The following PAX2 variants were observed in gnomAD, a reference collection of about 807,000 sequenced individuals.
PAX2 encodes paired box protein Pax-2.
PAX2 carries 9 observed loss-of-function variants against 41.7 expected under a neutral mutation model. That is an observed-to-expected ratio of 0.22 (90% confidence interval 0.13 to 0.38). The LOEUF (loss-of-function observed/expected upper bound fraction) is 0.38. PAX2 is among the 10% of genes least tolerant of loss of function. The pLI is 1.00. For missense variants in PAX2, 418 were observed against 531.6 expected (o/e 0.79, Z 2.10); for synonymous variants, 221 against 212.7 (o/e 1.04, Z -0.34).
In PAX2 at chr10:100,748,730, AC is replaced by A; in HGVS notation, c.44-1012del. The A allele has an allele frequency of 1.0e-6, 1 of 983,982 alleles. No homozygotes were observed. The highest frequency in any genetic ancestry group is 1.2e-6 in the Non-Finnish European group (1 of 829,600). 61.0% of individuals were successfully genotyped at this position (983,982 alleles called of 1,614,324 possible). A position where few individuals can be genotyped will look rare whatever the true frequency, so the allele number is the denominator to read the frequency against. ...AGCCCGCGCTGGAGCCGGGTTGGAA[AC>A]CCCGTGCCCTTCTCTTGGCCGAAAG... On this transcript the variant is annotated intron_variant, in intron 1 of 9. Transcript: ENST00000355243. This position sits in a 1 kb window ranked among gnomAD's most constrained non-coding sequence, Gnocchi z 5.0.
At chr10:100,786,335 G>A (rs764676637) in intron 5 of PAX2, among the ~76,000 whole-genome samples, 9 of 152,216 alleles carry the variant, frequency 5.9e-5, no homozygotes, top group Non-Finnish European at 1.0e-4. Context: ...GGCATTTTAG[G>A]TGTGTATAAA....
At chr10:100,735,839 A>G (rs1485457144) in intron 1 of PAX2, 15 of 773,028 alleles carry the variant, frequency 1.9e-5, no homozygotes, top group Non-Finnish European at 2.1e-5. Flanking sequence ...CCCTGTGCTC[A>G]GTACCCGGCG....
chr10:100,755,893 G>A (rs1845608652), intron 3 of PAX2, among the ~76,000 whole-genome samples: 1 of 152,216 alleles, frequency 6.6e-6, no homozygotes, highest in Non-Finnish European at 1.5e-5. Flanking sequence ...GGGGAGATTA[G>A]GGAAGGGGTG....
At chr10:100,768,359 C>G (rs1589833050) in intron 3 of PAX2, among the ~76,000 whole-genome samples, 2 of 152,284 alleles carry the variant, frequency 1.3e-5, no homozygotes, top group South Asian at 4.1e-4. Flanking sequence ...CAATCATGTA[C>G]ATGATTTGGA....
At chr10:100,745,390 A>T (rs4341467), upstream of PAX2, among the ~76,000 whole-genome samples, 120,644 of 149,672 alleles carry the variant, frequency 0.81, 48,517 homozygotes, top group East Asian at 1. Context: ...GCCCTCCCCT[A>T]GCCGGCACCG....
intron 3 of PAX2, among the ~76,000 whole-genome samples, chr10:100,770,956 A>T (rs920675693): frequency 1.2e-4 from 18 of 152,144 alleles, no homozygotes; most frequent in African/African-American, 4.3e-4. Flanking sequence ...TGAGAAACCA[A>T]CCAGAAGGAT....
At chr10:100,825,006 G>C in intron 8 of PAX2, 1 of 1,595,242 alleles carries the variant, frequency 6.3e-7, no homozygotes, top group South Asian at 1.1e-5. Context: ...CCCCTCCACA[G>C]CGCCCACCCA....
intron 5 of PAX2, among the ~76,000 whole-genome samples, chr10:100,798,104 CTTTTTT>C (rs11314855): frequency 1.2e-5 from 1 of 86,534 alleles, no homozygotes. Flanking sequence ...ATGTCCACCT[CTTTTTT>C]TTTTTTTTTT....
exon 1 of PAX2, chr10:100,735,495 AGCCTCTGCGCG>A: frequency 4.0e-6 from 1 of 249,964 alleles, no homozygotes; most frequent in East Asian, 6.1e-5. Context: ...GGGGTGCCGG[AGCCTCTGCGCG>A]GCCGGGAGTG....
At chr10:100,811,581 G>A (rs1270329116) in intron 7 of PAX2, among the ~76,000 whole-genome samples, 2 of 152,248 alleles carry the variant, frequency 1.3e-5, no homozygotes, top group African/African-American at 2.4e-5. Flanking sequence ...TGAGAACTGG[G>A]CTCCAGGCAG....
At chr10:100,796,751 T>C (rs888754793) in intron 5 of PAX2, among the ~76,000 whole-genome samples, 2 of 152,192 alleles carry the variant, frequency 1.3e-5, no homozygotes, top group African/African-American at 2.4e-5. Context: ...TAGACATGCT[T>C]GCTTTCTCCC....
At chr10:100,810,351 G>C (rs770263939) in intron 7 of PAX2, among the ~76,000 whole-genome samples, 8 of 152,214 alleles carry the variant, frequency 5.3e-5, no homozygotes, top group Non-Finnish European at 1.0e-4. Context: ...AGCCCTGTCA[G>C]TTTTCCCAGC....
At chr10:100,807,766 C>T (rs1446011722) in intron 6 of PAX2, among the ~76,000 whole-genome samples, 1 of 152,256 alleles carries the variant, frequency 6.6e-6, no homozygotes, top group African/African-American at 2.4e-5. Flanking sequence ...CAGCACAAGA[C>T]AGCATTGCTG....
chr10:100,786,812 A>G (rs1846885996), intron 5 of PAX2: 1 of 502,670 alleles, frequency 2.0e-6, no homozygotes, highest in Admixed American at 2.3e-5. Context: ...CTGTGAGGGA[A>G]TTGCAGCTCA....
chr10:100,787,580 G>C (rs1344260006), intron 5 of PAX2, among the ~76,000 whole-genome samples: 2 of 152,048 alleles, frequency 1.3e-5, no homozygotes, highest in African/African-American at 2.4e-5. Context: ...CCTCACTGCT[G>C]CCCGCCTCCT....
At chr10:100,803,147 C>T (rs141069054) in intron 5 of PAX2, among the ~76,000 whole-genome samples, 306 of 152,164 alleles carry the variant, frequency 2.0e-3, no homozygotes, top group Non-Finnish European at 3.4e-3. Flanking sequence ...TCATCCAGGC[C>T]CTGGGCAGAG....
intron 6 of PAX2, 92 bp from the exon 7 acceptor site, chr10:100,809,018 G>A (rs748180581): frequency 3.4e-5 from 41 of 1,194,730 alleles, no homozygotes; most frequent in Non-Finnish European, 5.0e-5. Context: ...CCATCTGGGC[G>A]GGCTCCCCTG....
chr10:100,811,603 G>A (rs966213175), intron 7 of PAX2, among the ~76,000 whole-genome samples: 3 of 152,250 alleles, frequency 2.0e-5, no homozygotes, highest in East Asian at 1.9e-4. Context: ...GCTGGAGTGC[G>A]GGAGAGGCCC....
chr10:100,748,730 A>G lies in PAX2; in HGVS notation c.44-1016A>G. 1 of 983,982 alleles carries G rather than the reference A, an allele frequency of 1.0e-6. No individual in the cohort carries two copies. Among genetic ancestry groups the G allele is most frequent in the Non-Finnish European group, 1.2e-6 (1 of 829,600 alleles). 61.0% of individuals were successfully genotyped at this position (983,982 alleles called of 1,614,324 possible). A position where few individuals can be genotyped will look rare whatever the true frequency, so the allele number is the denominator to read the frequency against. ...AGCCCGCGCTGGAGCCGGGTTGGAA[A>G]CCCCGTGCCCTTCTCTTGGCCGAAA... On this transcript the variant is annotated intron_variant, in intron 1 of 9. Transcript: ENST00000355243. The surrounding 1 kb of genome is among the most constrained non-coding windows in gnomAD (Gnocchi z 5.0).
Sources: gnomAD v4.1 joint callset for allele counts (sites outside exome capture counted in the v4.1 genomes callset) on GRCh38, gnomAD v4.1.1 for gene constraint, Gnocchi (gnomAD v3.1) non-coding constraint, MANE v1.5 for transcripts, NCBI Gene and HGNC (gene_info 2026-07-23, HGNC 2026-07-21) for gene names.